PRIMA1: variants seen among roughly 807,000 people sequenced by gnomAD.
The protein encoded by PRIMA1 is proline rich membrane anchor 1, also known as proline-rich membrane anchor 1.
A neutral mutation model predicts 17.5 loss-of-function variants in PRIMA1; 7 were observed. The ratio of observed to expected loss-of-function variants is 0.40; its 90% confidence interval spans 0.23 to 0.75. The LOEUF (loss-of-function observed/expected upper bound fraction) is 0.75, where lower values mean the gene tolerates loss of function less well. Among genes scored for constraint, PRIMA1 ranks in the 30% least tolerant of loss-of-function variants. The pLI, the probability that PRIMA1 is intolerant of heterozygous loss-of-function variation, is 0.37. For synonymous variants in PRIMA1, 97 were observed against 77.9 expected (o/e 1.25, Z -1.29); for missense variants, 200 against 201.8 (o/e 0.99, Z 0.05).
intron 4 of PRIMA1, among the ~76,000 whole-genome samples, chr14:93,722,741 CAGT>C (rs1455893684): frequency 7.0e-4 from 1 of 1,430 alleles, no homozygotes; most frequent in Non-Finnish European, 2.1e-3. Flanking sequence ...GTTGGGTTAA[CAGT>C]GGTGGTGATG....
At chr14:93,772,100 A>G (rs979136465) in intron 3 of PRIMA1, among the ~76,000 whole-genome samples, 1 of 152,374 alleles carries the variant, frequency 6.6e-6, no homozygotes, top group East Asian at 1.9e-4. Context: ...ACAGTACTGG[A>G]AACTAAGTAT....
intron 3 of PRIMA1, among the ~76,000 whole-genome samples, chr14:93,776,019 A>C (rs940475453): frequency 2.0e-5 from 3 of 152,226 alleles, no homozygotes; most frequent in East Asian, 3.9e-4. Context: ...CCCTCGGACT[A>C]CTGGGAAACA....
At chr14:93,759,674 T>C (rs1466708665) in intron 3 of PRIMA1, among the ~76,000 whole-genome samples, 1 of 152,082 alleles carries the variant, frequency 6.6e-6, no homozygotes, top group Admixed American at 6.5e-5. Context: ...TCCAGGACGC[T>C]TTGCATTTCC....
At chr14:93,738,900 C>G (rs1322972830) in intron 3 of PRIMA1, among the ~76,000 whole-genome samples, 1 of 152,206 alleles carries the variant, frequency 6.6e-6, no homozygotes, top group Non-Finnish European at 1.5e-5. Flanking sequence ...CATTCACATA[C>G]ATGGAATCAT....
intron 2 of PRIMA1, among the ~76,000 whole-genome samples, chr14:93,785,022 A>C (rs1002259226): frequency 3.9e-5 from 6 of 152,082 alleles, no homozygotes; most frequent in African/African-American, 1.4e-4. Context: ...AGAGACCCAT[A>C]AGGCCAGATA....
chr14:93,758,588 G>C (rs1037003171), intron 3 of PRIMA1, among the ~76,000 whole-genome samples: 2 of 97,694 alleles, frequency 2.0e-5, no homozygotes, highest in East Asian at 5.8e-4. Flanking sequence ...AACAGAGCAA[G>C]ACTCTCAAAA....
chr14:93,780,179 C>G (rs1221808157), intron 2 of PRIMA1, among the ~76,000 whole-genome samples: 1 of 152,248 alleles, frequency 6.6e-6, no homozygotes, highest in Non-Finnish European at 1.5e-5. Context: ...CCTGCTACGC[C>G]CCTGACTCAG....
intron 3 of PRIMA1, among the ~76,000 whole-genome samples, chr14:93,752,353 C>G (rs991150079): frequency 1.3e-5 from 2 of 152,024 alleles, no homozygotes; most frequent in African/African-American, 4.8e-5. Context: ...AGGAGGGAGA[C>G]CCCCCCGCCC....
chr14:93,756,729 C>T (rs550577931), intron 3 of PRIMA1, among the ~76,000 whole-genome samples: 1 of 152,266 alleles, frequency 6.6e-6, no homozygotes, highest in South Asian at 2.1e-4. Flanking sequence ...GCTCTGGGTT[C>T]CCTGTCCAAA....
chr14:93,737,418 T>A (rs1230438156), intron 3 of PRIMA1, 48 bp from the exon 4 acceptor site: 17 of 1,598,546 alleles, frequency 1.1e-5, no homozygotes, highest in Non-Finnish European at 1.4e-5. Context: ...GAGCTGGTCA[T>A]GGCCAGTGAC....
intron 4 of PRIMA1, among the ~76,000 whole-genome samples, chr14:93,722,036 G>A (rs36026484): frequency 0.23 from 11,069 of 47,690 alleles, 1,461 homozygotes; most frequent in Middle Eastern, 0.36. Flanking sequence ...TAATGGGGTG[G>A]TGGTGGTAGT....
At chr14:93,765,799 G>T (rs1242598284) in intron 3 of PRIMA1, among the ~76,000 whole-genome samples, 1 of 152,132 alleles carries the variant, frequency 6.6e-6, no homozygotes, top group East Asian at 1.9e-4. Context: ...CAACACTGAA[G>T]ACCTCCAATC....
intron 3 of PRIMA1, 49 bp from the exon 4 acceptor site, chr14:93,737,419 G>A: frequency 6.3e-7 from 1 of 1,596,884 alleles, no homozygotes; most frequent in South Asian, 1.1e-5. Flanking sequence ...AGCTGGTCAT[G>A]GCCAGTGACA....
At chr14:93,785,617 T>G (rs1885501402) in intron 2 of PRIMA1, among the ~76,000 whole-genome samples, 1 of 152,204 alleles carries the variant, frequency 6.6e-6, no homozygotes, top group African/African-American at 2.4e-5. Context: ...AACACATGGC[T>G]TCGTGCATTT....
chr14:93,742,748 G>C (rs2076192106), intron 3 of PRIMA1, among the ~76,000 whole-genome samples: 1 of 152,224 alleles, frequency 6.6e-6, no homozygotes, highest in Non-Finnish European at 1.5e-5. Flanking sequence ...GGAGATGATG[G>C]AGGCAGCCTT....
At chr14:93,763,735 G>C (rs1344117332) in intron 3 of PRIMA1, among the ~76,000 whole-genome samples, 1 of 152,138 alleles carries the variant, frequency 6.6e-6, no homozygotes, top group Admixed American at 6.5e-5. Flanking sequence ...TCCCAGCACA[G>C]TTTTTGGCTC....
In PRIMA1 at chr14:93,732,435, G is replaced by T. The variant is rs114271003; in HGVS notation, c.359+4806C>A. ...TGTGGTCATCACTGGTTTTAGGTTT[G>T]TCTCCTGCCCTGGACGGACACTCGT... is the stretch of plus-strand genomic sequence containing the variant. On this transcript the variant is annotated intron_variant, in intron 4 of 4. Transcript: ENST00000393140. 5.8e-3 allele frequency among the ~76,000 whole-genome samples: 877 copies of T among 152,330 alleles called. 15 individuals carry two copies. The highest frequency in any genetic ancestry group is 0.02 in the African/African-American group (842 of 41,574).
chr14:93,782,038 C>A (rs1414425688), intron 2 of PRIMA1, among the ~76,000 whole-genome samples: 1 of 151,982 alleles, frequency 6.6e-6, no homozygotes. Context: ...GAGGCCAAGG[C>A]AGGCGGATCA....
At chr14:93,757,320 G>A (rs75933413) in intron 3 of PRIMA1, among the ~76,000 whole-genome samples, 4,222 of 152,240 alleles carry the variant, frequency 0.028, 206 homozygotes, top group African/African-American at 0.096. Flanking sequence ...CCACCAGCTC[G>A]AGCTCACACT....
Sources: allele counts gnomAD v4.1 joint callset (sites outside exome capture counted in the v4.1 genomes callset), GRCh38; gene constraint gnomAD v4.1.1; transcripts MANE v1.5; gene names NCBI Gene and HGNC (gene_info 2026-07-23, HGNC 2026-07-21).